ARHGAP6: variants seen among roughly 807,000 people sequenced by gnomAD.
ARHGAP6 encodes the protein rho GTPase-activating protein 6.
Under a neutral mutation model 55.7 loss-of-function variants are expected in ARHGAP6, and 16 were observed. The observed-to-expected ratio is 0.29, with a 90% CI of 0.19 to 0.44. ARHGAP6 has a LOEUF of 0.44. ARHGAP6 is among the 20% of genes least tolerant of loss of function. The pLI is 1.00. For missense variants in ARHGAP6, 698 were observed against 808.9 expected (o/e 0.86, Z 1.66); for synonymous variants, 382 against 360.9 (o/e 1.06, Z -0.66).
At chrX:11,288,270 C>T (rs1265292765) in intron 1 of ARHGAP6, among the ~76,000 whole-genome samples, 2 of 111,937 alleles carry the variant, frequency 1.8e-5, no homozygotes, top group Non-Finnish European at 3.8e-5. Flanking sequence ...GACCAATAAA[C>T]ATTTAAACAT....
At chrX:11,478,580 T>C in intron 1 of ARHGAP6, among the ~76,000 whole-genome samples, 1 of 111,920 alleles carries the variant, frequency 8.9e-6, no homozygotes, top group Non-Finnish European at 1.9e-5. Context: ...GGAGATGTTT[T>C]ATATCTTAAT....
intron 5 of ARHGAP6, among the ~76,000 whole-genome samples, chrX:11,183,856 G>A (rs1288261617): frequency 8.9e-6 from 1 of 112,343 alleles, no homozygotes; most frequent in African/African-American, 3.2e-5. Context: ...TCCTTTGGGA[G>A]CATGAAACGT....
In ARHGAP6 at chrX:11,226,169, A is replaced by T. The variant is rs771540297; in HGVS notation, c.748+28379T>A. On this transcript the variant is annotated intron_variant, in intron 2 of 12. Transcript: ENST00000337414. ...CCCCCGACCCCACAACAGTCCCCAG[A>T]GTGTGATGTTCCCCTTCCTGTGTCC... Among the ~76,000 whole-genome samples, 5 of 87,372 alleles carry T rather than the reference A, an allele frequency of 5.7e-5. No homozygotes were observed. The South Asian group carries it at 3.5e-3, about 61-fold the overall frequency. 75.9% of individuals were successfully genotyped at this position (87,372 alleles called of 115,157 possible). A position where few individuals can be genotyped will look rare whatever the true frequency, so the allele number is the denominator to read the frequency against.
chrX:11,522,705 T>G (rs934447325), intron 1 of ARHGAP6, among the ~76,000 whole-genome samples: 1 of 111,563 alleles, frequency 9.0e-6, no homozygotes, highest in Non-Finnish European at 1.9e-5. Flanking sequence ...AATCTCTGAA[T>G]AGACCAATAA....
At chrX:11,448,441 G>A (rs1410814220) in intron 1 of ARHGAP6, among the ~76,000 whole-genome samples, 2 of 111,779 alleles carry the variant, frequency 1.8e-5, no homozygotes, top group African/African-American at 3.3e-5. Context: ...TATCCCAGAT[G>A]GGGTTCAGAG....
chrX:11,476,486 AC>A (rs758397879), intron 1 of ARHGAP6, among the ~76,000 whole-genome samples: 1 of 112,058 alleles, frequency 8.9e-6, no homozygotes, highest in South Asian at 3.6e-4. Flanking sequence ...GTATTGAAAT[AC>A]CAAGAACCCA....
chrX:11,587,268 C>T (rs985967193), intron 1 of ARHGAP6, among the ~76,000 whole-genome samples: 10 of 111,798 alleles, frequency 8.9e-5, no homozygotes, highest in African/African-American at 6.5e-5. Context: ...AAGAGGAATG[C>T]TTTCAACTTT....
intron 2 of ARHGAP6, among the ~76,000 whole-genome samples, chrX:11,208,775 C>T (rs187701072): frequency 4.7e-4 from 53 of 111,971 alleles, no homozygotes; most frequent in African/African-American, 1.4e-3. Context: ...CATGACTACA[C>T]GCCCCAAAAC....
At chrX:11,631,149 T>A (rs1351517893) in intron 1 of ARHGAP6, among the ~76,000 whole-genome samples, 1 of 111,634 alleles carries the variant, frequency 9.0e-6, no homozygotes, top group African/African-American at 3.3e-5. Context: ...TATGCATAGA[T>A]AAAAGATCTT....
chrX:11,488,741 G>T (rs1603229492), intron 1 of ARHGAP6, among the ~76,000 whole-genome samples: 1 of 111,286 alleles, frequency 9.0e-6, no homozygotes, highest in East Asian at 2.8e-4. Flanking sequence ...AAGTGATCTA[G>T]GTTGCATACT....
chrX:11,207,700 T>C lies in ARHGAP6; in HGVS notation c.749-10704A>G, dbSNP rs760033047. Among the ~76,000 whole-genome samples the C allele has an allele frequency of 7.1e-5, 8 of 112,423 alleles. No individual in the cohort carries two copies. In the South Asian group the frequency reaches 3.0e-3, roughly 42 times the overall value. On this transcript the variant is annotated intron_variant, in intron 2 of 12. Transcript: ENST00000337414. ...TACCTGCCAGCTGGCTCCTCATCTTTGAGGTTTGCTCTGACAGCTCTGAAG... is the reference window on the plus strand; with the variant it reads ...TACCTGCCAGCTGGCTCCTCATCTTCGAGGTTTGCTCTGACAGCTCTGAAG...
chrX:11,518,462 C>CTTTTTTTTTTTT (rs368595944), intron 1 of ARHGAP6, among the ~76,000 whole-genome samples: 78 of 74,840 alleles, frequency 1.0e-3, no homozygotes, highest in Middle Eastern at 9.7e-3. Context: ...TTTTTTTTTT[C>CTTTTTTTTTTTT]TTTTTTTTTT....
At chrX:11,190,374 A>G (rs1160733326) in intron 3 of ARHGAP6, among the ~76,000 whole-genome samples, 5 of 108,532 alleles carry the variant, frequency 4.6e-5, no homozygotes, top group Admixed American at 9.9e-5. Flanking sequence ...TGTAATTCTC[A>G]CTATTGATAA....
intron 1 of ARHGAP6, among the ~76,000 whole-genome samples, chrX:11,410,824 T>A (rs1045660074): frequency 9.1e-6 from 1 of 109,914 alleles, no homozygotes; most frequent in Non-Finnish European, 1.9e-5. Flanking sequence ...AAATTCCACA[T>A]GAACAGAACC....
intron 1 of ARHGAP6, among the ~76,000 whole-genome samples, chrX:11,649,900 A>T (rs942275432): frequency 5.4e-5 from 6 of 111,712 alleles, no homozygotes; most frequent in African/African-American, 1.9e-4. Context: ...TGCATTATAA[A>T]AATATTGCAT....
chrX:11,306,198 AC>A (rs2048236654), intron 1 of ARHGAP6, among the ~76,000 whole-genome samples: 1 of 112,100 alleles, frequency 8.9e-6, no homozygotes, highest in South Asian at 3.7e-4. Flanking sequence ...AATGACCAAC[AC>A]CTCAATGTCA....
intron 1 of ARHGAP6, among the ~76,000 whole-genome samples, chrX:11,467,490 A>C (rs1416386183): frequency 9.0e-6 from 1 of 111,636 alleles, no homozygotes; most frequent in African/African-American, 3.3e-5. Context: ...TTGCAAGTGA[A>C]AACAACTCTT....
At chrX:11,202,013 G>GTGT (rs2046632152) in intron 2 of ARHGAP6, among the ~76,000 whole-genome samples, 1 of 101,792 alleles carries the variant, frequency 9.8e-6, no homozygotes, top group South Asian at 4.7e-4. Flanking sequence ...GTGTGTGTGT[G>GTGT]TGTGTGTGTG....
At chrX:11,355,108 C>A (rs1432628660) in intron 1 of ARHGAP6, among the ~76,000 whole-genome samples, 2 of 111,745 alleles carry the variant, frequency 1.8e-5, no homozygotes, top group Non-Finnish European at 3.8e-5. Flanking sequence ...AATGAGCCAA[C>A]AATTGTCCGA....
Sources: allele counts gnomAD v4.1 joint callset (sites outside exome capture counted in the v4.1 genomes callset), GRCh38; gene constraint gnomAD v4.1.1; transcripts MANE v1.5; gene names NCBI Gene and HGNC (gene_info 2026-07-23, HGNC 2026-07-21).